Variants in YARS2 observed in about 807,000 individuals in gnomAD.
YARS2 encodes the protein tyrosyl-tRNA synthetase 2.
In YARS2, 38 loss-of-function variants were observed where a neutral mutation model predicts 45.0. The ratio of observed to expected loss-of-function variants is 0.84; its 90% CI spans 0.65 to 1.11. YARS2 has a LOEUF of 1.11. Among genes scored for constraint, YARS2 ranks in the 50% least tolerant of loss-of-function variants. YARS2 has a pLI of 0.00. For missense variants in YARS2, 602 were observed against 599.8 expected, an observed-to-expected ratio of 1.00 and a Z score of -0.04; for synonymous variants, 287 against 245.1, an observed-to-expected ratio of 1.17 and a Z score of -1.60.
chr12:32,752,412 T>G (rs1198631299), intron 2 of YARS2, among the ~76,000 whole-genome samples: 1 of 152,110 alleles, frequency 6.6e-6, no homozygotes, highest in Non-Finnish European at 1.5e-5. Flanking sequence ...AGTAATTGTA[T>G]TTCTATACAC....
chr12:32,750,102 G>A lies in YARS2; in HGVS notation c.1109C>T (p.Thr370Ile), dbSNP rs1592709822. The A allele has an allele frequency of 6.2e-7, 1 of 1,614,000 alleles. No homozygotes were observed. The highest frequency in any genetic ancestry group is 8.5e-7 in the Non-Finnish European group (1 of 1,179,986). ...REGLDSAKRCTQALYHSSIDA... is the reference protein window; with the variant it reads ...REGLDSAKRCIQALYHSSIDA... The stretch of plus-strand genomic sequence containing the variant: ...TATGCTACTGTGATAAAGGGCTTGT[G>A]TACACCTGAAAAACACATTTTAAGA... Residue 370 changes from threonine (T) to isoleucine (I), a missense_variant, in exon 4 of 5, where the codon ACA becomes ATA. Physicochemically the swap from Thr to Ile is moderately conservative, Grantham distance 89. Transcript: ENST00000324868.
chr12:32,751,830 C>T (rs1033310458), intron 2 of YARS2, among the ~76,000 whole-genome samples: 2 of 152,220 alleles, frequency 1.3e-5, no homozygotes, highest in Non-Finnish European at 2.9e-5. Flanking sequence ...GTGTAATGCT[C>T]GCTCGCCTGC....
At chr12:32,750,133 A>C (rs886086070) in intron 3 of YARS2, 26 bp from the exon 4 acceptor site, 1 of 1,612,606 alleles carries the variant, frequency 6.2e-7, no homozygotes, top group Non-Finnish European at 8.5e-7. Context: ...TAAGAGCTAC[A>C]TCATATAAAT....
In YARS2 at chr12:32,755,889, G is replaced by A; in HGVS notation, c.-15C>T. 2 of 1,612,510 alleles carry A rather than the reference G, an allele frequency of 1.2e-6. No homozygotes were observed. The highest frequency in any genetic ancestry group is 2.2e-5 in the South Asian group (2 of 91,058). ...GGCGCCGCCATCTTGGTAGCGGCAC[G>A]AAGGGAATGCTGGGATTGCAGAGGC... On this transcript the variant is annotated 5_prime_UTR_variant, in exon 1 of 5. Coordinates refer to ENST00000324868, the MANE Select transcript of YARS2 (RefSeq NM_001040436.3).
chr12:32,755,604 G>T lies in YARS2; in HGVS notation c.271C>A (p.His91Asn). The T allele has an allele frequency of 6.2e-7, 1 of 1,614,058 alleles. No individual in the cohort carries two copies. The highest frequency in any genetic ancestry group is 8.5e-7 in the Non-Finnish European group (1 of 1,179,944). ...AACAGGCCCAGCAGCGCAAGTAGAT[G>T]ACCCACATGAAGCGAGTCTGCCGTG... Reference protein sequence around the residue: ...DPTADSLHVGHLLALLGLFHL... With the variant: ...DPTADSLHVGNLLALLGLFHL... The change falls in exon 1 of 5, where the codon CAT (histidine) becomes AAT (asparagine). Residue 91 changes from histidine to asparagine, a missense_variant. Coordinates refer to ENST00000324868, the MANE Select transcript of YARS2 (RefSeq NM_001040436.3).
rs1955834234 is a variant in YARS2 at position 32,755,628 on chromosome 12, TG to T, written c.246del (p.Thr83ArgfsTer26). On this transcript the variant is annotated frameshift_variant, in exon 1 of 5. Coordinates refer to ENST00000324868, the MANE Select transcript of YARS2 (RefSeq NM_001040436.3). LOFTEE classifies it high-confidence loss of function. ...FPQTIYCGFDPTADSLHVGHL... is the reference protein window; with the variant it reads ...FPQTIYCGFDXTADSLHVGHL... The stretch of plus-strand genomic sequence containing the variant: ...TGACCCACATGAAGCGAGTCTGCCG[TG>T]GGGTCGAAGCCACAGTAAATGGTTT... 3 of 1,613,976 alleles carry T rather than the reference TG, an allele frequency of 1.9e-6. No individual in the cohort carries two copies. The African/African-American group carries it at 4.0e-5, about 22-fold the overall frequency.
At position 32,755,844 on chromosome 12, in the gene YARS2, A is replaced by G. The variant is rs779549964; in HGVS notation, c.31T>C (p.Trp11Arg). 1 of 1,613,322 alleles carries G rather than the reference A, an allele frequency of 6.2e-7. No homozygotes were observed. The highest frequency in any genetic ancestry group is 8.5e-7 in the Non-Finnish European group (1 of 1,180,030). MAAPILRSFS[W>R]GRWSGTLNLS... ...TTTAGGGTACCAGACCACCGGCCCC[A>G]GGAAAAGGACCGCAAGATGGGCGCC... Residue 11 changes from tryptophan to arginine, a missense_variant, in exon 1 of 5, where the codon TGG becomes CGG. Trp to Arg is a moderately radical substitution (Grantham distance 101). Coordinates refer to ENST00000324868, the MANE Select transcript of YARS2 (RefSeq NM_001040436.3).
chr12:32,751,230 C>A (rs754841836), intron 2 of YARS2, among the ~76,000 whole-genome samples: 2 of 151,798 alleles, frequency 1.3e-5, no homozygotes, highest in African/African-American at 2.4e-5. Context: ...CCACGCCTGG[C>A]TAATTTTTAT....
rs1239001364 is a variant in YARS2 at position 32,755,806 on chromosome 12, C to T, written c.69G>A (p.Leu23=). 3 of 1,613,758 alleles carry T rather than the reference C, an allele frequency of 1.9e-6. No homozygotes were observed. Among genetic ancestry groups the T allele is most frequent in the South Asian group, 2.2e-5 (2 of 91,084 alleles). ...GGGCCTTACGCAGCCCCAAGGGCAACAATACTGAGAGATTTAGGGTACCAG... is the reference window on the plus strand; with the variant it reads ...GGGCCTTACGCAGCCCCAAGGGCAATAATACTGAGAGATTTAGGGTACCAG... ...RWSGTLNLSV[L]LPLGLRKAHS... The change falls in exon 1 of 5, where the codon TTG becomes TTA. Residue 23 remains leucine (L), a synonymous_variant. Coordinates refer to ENST00000324868, the MANE Select transcript of YARS2 (RefSeq NM_001040436.3).
Position 32,755,149 on chromosome 12 carries a change from C to G in YARS2, c.726G>C (p.Leu242=). 6.2e-7 allele frequency: 1 copy of G among 1,614,192 alleles called. No individual in the cohort carries two copies. Among genetic ancestry groups the G allele is most frequent in the Non-Finnish European group, 8.5e-7 (1 of 1,180,048 alleles). ...LFQRYGCRVQ[L]GGSDQLGNIM... is the part of the protein sequence containing the mutation. ...TGTTGCCTAGTTGATCAGATCCGCC[C>G]AGCTGGACCCTGCATCCATAACGCT... The change falls in exon 1 of 5, where the codon CTG becomes CTC. Residue 242 remains leucine (L), a synonymous_variant. Coordinates refer to ENST00000324868, the MANE Select transcript of YARS2 (RefSeq NM_001040436.3).
chr12:32,750,624 T>G, intron 3 of YARS2, 95 bp downstream of exon 3: 1 of 1,525,944 alleles, frequency 6.6e-7, no homozygotes, highest in African/African-American at 1.4e-5. Context: ...GTCCTTGTGA[T>G]AAATGACAAG....
At chr12:32,750,965 T>C in intron 2 of YARS2, 91 bp from the exon 3 acceptor site, 1 of 1,451,220 alleles carries the variant, frequency 6.9e-7, no homozygotes. Flanking sequence ...CCTGCTTACT[T>C]TTAAATATGA....
At chr12:32,753,518 TA>T (rs1955788634) in intron 2 of YARS2, among the ~76,000 whole-genome samples, 1 of 152,236 alleles carries the variant, frequency 6.6e-6, no homozygotes, top group African/African-American at 2.4e-5. Context: ...TCCAAGAGTT[TA>T]AGGCAATTTG....
At chr12:32,748,363 T>C (rs942922819) in intron 4 of YARS2, among the ~76,000 whole-genome samples, 1 of 152,170 alleles carries the variant, frequency 6.6e-6, no homozygotes, top group Non-Finnish European at 1.5e-5. Context: ...TAAGGCCAGA[T>C]TCCTTTCTTT....
In YARS2 at chr12:32,750,885, AAAAAT is replaced by A. The variant is rs1955730715; in HGVS notation, c.948-16_948-12del. ...AACAGCTTCAGGTACCTTTGAGACA[AAAAAT>A]AAAGAGTTACACTTATATAACATAC... On this transcript the variant is annotated splice_polypyrimidine_tract_variant and intron_variant, in intron 2 of 4. Coordinates refer to ENST00000324868, the MANE Select transcript of YARS2 (RefSeq NM_001040436.3). 3.1e-6 allele frequency: 5 copies of A among 1,613,652 alleles called. No individual in the cohort carries two copies. Among genetic ancestry groups the A allele is most frequent in the East Asian group, 2.2e-5 (1 of 44,868 alleles).
At chr12:32,750,163 C>T in intron 3 of YARS2, 56 bp from the exon 4 acceptor site, 1 of 1,600,754 alleles carries the variant, frequency 6.2e-7, no homozygotes, top group African/African-American at 1.3e-5. Context: ...AATACATGTT[C>T]TAATACCCAT....
rs1307994399 is a variant in YARS2 at position 32,746,787 on chromosome 12, C to G, written c.*417G>C. The G allele has an allele frequency of 4.6e-5, 8 of 174,540 alleles. No homozygotes were observed. Among genetic ancestry groups the G allele is most frequent in the Non-Finnish European group, 9.7e-5 (8 of 82,880 alleles). 10.8% of individuals were successfully genotyped at this position (174,540 alleles called of 1,614,324 possible). A position where few individuals can be genotyped will look rare whatever the true frequency, so the allele number is the denominator to read the frequency against. On this transcript the variant is annotated 3_prime_UTR_variant, in exon 5 of 5. Transcript: ENST00000324868. ...TCCTGGCCTCAAGCGATTTGCCCAC[C>G]TTGGCCTCCCGAAGTGCTGGGATTA...
chr12:32,754,711 CTTTT>C (rs755897245), intron 1 of YARS2, among the ~76,000 whole-genome samples: 1 of 126,708 alleles, frequency 7.9e-6, no homozygotes. Flanking sequence ...GTCTGTTTCC[CTTTT>C]TTTTTTTTTT....
intron 2 of YARS2, among the ~76,000 whole-genome samples, chr12:32,751,319 C>T (rs928076300): frequency 3.3e-5 from 5 of 152,048 alleles, no homozygotes; most frequent in African/African-American, 4.8e-5. Context: ...CCTCTTGTCT[C>T]AGCCTCCCAA....
Sources: gnomAD v4.1 joint callset for allele counts (sites outside exome capture counted in the v4.1 genomes callset) on GRCh38, gnomAD v4.1.1 for gene constraint, MANE v1.5 for transcripts, NCBI Gene and HGNC (gene_info 2026-07-23, HGNC 2026-07-21) for gene names.